Variants in HEG1 observed in about 807,000 individuals in gnomAD.
HEG1 encodes the protein protein HEG homolog 1.
A neutral mutation model predicts 125.6 loss-of-function variants in HEG1; 56 were observed. The observed-to-expected ratio is 0.45, with a 90% CI of 0.36 to 0.56. The LOEUF (loss-of-function observed/expected upper bound fraction) is 0.56, where lower values mean the gene tolerates loss of function less well. Among genes scored for constraint, HEG1 ranks in the 20% least tolerant of loss-of-function variants. The pLI, the probability that HEG1 is intolerant of heterozygous loss-of-function variation, is 0.00. For synonymous variants in HEG1, 644 were observed against 668.5 expected (o/e 0.96, Z 0.57); for missense variants, 1,523 against 1,670.0 (o/e 0.91, Z 1.53).
chr3:125,029,138 T>A (rs1191498048), intron 2 of HEG1, 57 bp downstream of exon 2: 1 of 1,540,788 alleles, frequency 6.5e-7, no homozygotes, highest in Non-Finnish European at 8.8e-7. Context: ...GGCAGAAACT[T>A]TGTTTTCCAG....
chr3:125,055,159 A>G (rs563721253), intron 1 of HEG1, among the ~76,000 whole-genome samples: 4 of 152,242 alleles, frequency 2.6e-5, no homozygotes, highest in African/African-American at 7.2e-5. Context: ...AAAATCAGTT[A>G]TTTAGATGAG....
chr3:125,013,663 G>C lies in HEG1; in HGVS notation c.1916C>G (p.Thr639Ser), dbSNP rs778962824. 1 of 1,613,840 alleles carries C rather than the reference G, an allele frequency of 6.2e-7. No individual in the cohort carries two copies. Among genetic ancestry groups the C allele is most frequent in the Non-Finnish European group, 8.5e-7 (1 of 1,179,838 alleles). ...HTSNLPSYTP[T>S]INMPNTSVVL... is the part of the protein sequence containing the mutation. ...AACCGAAGTGTTCGGCATATTAATG[G>C]TGGGTGTGTAGGACGGAAGGTTGGA... The change falls in exon 6 of 17, where the codon ACC (threonine) becomes AGC (serine). Residue 639 changes from threonine (T) to serine (S), a missense_variant. Coordinates refer to ENST00000311127, the MANE Select transcript of HEG1 (RefSeq NM_020733.2).
At chr3:124,999,435 C>T (rs1936969398) in intron 11 of HEG1, among the ~76,000 whole-genome samples, 1 of 152,230 alleles carries the variant, frequency 6.6e-6, no homozygotes, top group Admixed American at 6.5e-5. Context: ...AAAGAAATTC[C>T]TCCAGGGCAG....
chr3:125,029,222 C>A lies in HEG1; in HGVS notation c.583G>T (p.Ala195Ser), dbSNP rs777151125. 6.2e-7 allele frequency: 1 copy of A among 1,612,960 alleles called. No homozygotes were observed. The highest frequency in any genetic ancestry group is 1.7e-5 in the Admixed American group (1 of 59,900). ...PVGYSLEIATALTSQSGNLAS... is the reference protein window; with the variant it reads ...PVGYSLEIATSLTSQSGNLAS... ...AAGTTGCCACTCTGGGAAGTCAGAGCTGTTGCTATCTCCAGTGAGTACCCA... is the reference window on the plus strand; with the variant it reads ...AAGTTGCCACTCTGGGAAGTCAGAGATGTTGCTATCTCCAGTGAGTACCCA... The change falls in exon 2 of 17, where the codon GCT (alanine) becomes TCT (serine). Residue 195 changes from alanine (A) to serine (S), a missense_variant. Ala to Ser is a moderately conservative substitution (Grantham distance 99). Transcript: ENST00000311127.
At chr3:125,051,657 C>G (rs1004966934) in intron 1 of HEG1, among the ~76,000 whole-genome samples, 2 of 152,234 alleles carry the variant, frequency 1.3e-5, no homozygotes, top group African/African-American at 2.4e-5. Context: ...AACTAGTTTC[C>G]TTCCTTGTTG....
At position 124,990,954 on chromosome 3, in the gene HEG1, T is replaced by C. The variant is rs780209617; in HGVS notation, c.3685A>G (p.Thr1229Ala). Reference protein sequence around the residue: ...CEDGYRLENETCMSCPFGLGG... With the variant: ...CEDGYRLENEACMSCPFGLGG... Reference sequence around the variant, plus strand: ...CAACATGGAGCCTACCTCATGCAGGTTTCATTTTCAAGCCTATATCCATCT... The same window carrying C: ...CAACATGGAGCCTACCTCATGCAGGCTTCATTTTCAAGCCTATATCCATCT... Residue 1229 changes from threonine to alanine, a missense_variant, in exon 13 of 17, where the codon ACC (threonine) becomes GCC (alanine). By Grantham distance (58) the Thr-to-Ala change is moderately conservative. Transcript: ENST00000311127. The C allele has an allele frequency of 7.1e-6, 11 of 1,558,896 alleles. No individual in the cohort carries two copies. In the South Asian group the frequency reaches 1.3e-4, roughly 18 times the overall value.
intron 16 of HEG1, 28 bp downstream of exon 16, chr3:124,973,702 TG>T: frequency 6.3e-7 from 1 of 1,579,178 alleles, no homozygotes; most frequent in South Asian, 1.2e-5. Context: ...CCGGGGGCCC[TG>T]GGGTCATCCT....
rs368197960 is a variant in HEG1, at chr3:125,010,471, G to A, written c.3041C>T (p.Pro1014Leu). The A allele has an allele frequency of 2.8e-5, 43 of 1,557,638 alleles. No individual in the cohort carries two copies. The African/African-American group carries it at 3.3e-4, about 12-fold the overall frequency. The change falls in exon 7 of 17, where the codon CCG becomes CTG. Residue 1014 changes from proline (P) to leucine (L), a missense_variant. By Grantham distance (98) the Pro-to-Leu change is moderately conservative. Coordinates refer to ENST00000311127, the MANE Select transcript of HEG1 (RefSeq NM_020733.2). ...GCAATCATCCCCTTGCCAGGAAGGC[G>A]GGCACCTGCAGTGGTAGCCACGGCT... Reference protein sequence around the residue: ...NTSRGYHCRCPPSWQGDDCSV... With the variant: ...NTSRGYHCRCLPSWQGDDCSV...
Position 125,010,492 on chromosome 3 carries a change from C to T in HEG1, c.3020G>A (p.Arg1007His), listed in dbSNP as rs202104573. 522 of 1,560,516 alleles carry T rather than the reference C, an allele frequency of 3.3e-4. 2 individuals carry two copies. The African/African-American group carries it at 4.0e-3, about 12-fold the overall frequency. Reference protein sequence around the residue: ...NGECVADNTSRGYHCRCPPSW... With the variant: ...NGECVADNTSHGYHCRCPPSW... The stretch of plus-strand genomic sequence containing the variant: ...AGGCGGGCACCTGCAGTGGTAGCCA[C>T]GGCTGGTGTTGTCTGCGACGCATTC... The change falls in exon 7 of 17, where the codon CGT (arginine) becomes CAT (histidine). Residue 1007 changes from arginine (R) to histidine (H), a missense_variant. By Grantham distance (29) the Arg-to-His change is conservative (BLOSUM62 0). Coordinates refer to ENST00000311127, the MANE Select transcript of HEG1 (RefSeq NM_020733.2).
chr3:124,991,484 A>G (rs574375214), intron 12 of HEG1, among the ~76,000 whole-genome samples: 1 of 152,040 alleles, frequency 6.6e-6, no homozygotes, highest in East Asian at 1.9e-4. Flanking sequence ...ACTTTTCTTA[A>G]CCTCTTTGTG....
rs2107701031 is a variant in HEG1 at position 125,013,749 on chromosome 3, G to A, written c.1830C>T (p.Asn610=). 1.2e-6 allele frequency: 2 copies of A among 1,613,918 alleles called. No individual in the cohort carries two copies. Among genetic ancestry groups the A allele is most frequent in the South Asian group, 1.1e-5 (1 of 91,078 alleles). ...SFFHAQTERS[N]ISSYDGEYAQ... is the part of the protein sequence containing the mutation. Reference sequence around the variant, plus strand: ...CATATTCCCCGTCATAGGATGAGATGTTACTTCTCTCAGTCTGAGCATGAA... The same window carrying A: ...CATATTCCCCGTCATAGGATGAGATATTACTTCTCTCAGTCTGAGCATGAA... The change falls in exon 6 of 17, where the codon AAC becomes AAT. Residue 610 remains asparagine (N), a synonymous_variant. Transcript: ENST00000311127.
At chr3:125,020,714 G>C (rs1937322835) in intron 4 of HEG1, 78 bp downstream of exon 4, 1 of 1,149,968 alleles carries the variant, frequency 8.7e-7, no homozygotes, top group Middle Eastern at 2.1e-4. Context: ...GATTACAAAT[G>C]GTCTTGAAGA....
At chr3:124,983,501 A>AT (rs542232252) in intron 14 of HEG1, among the ~76,000 whole-genome samples, 50,103 of 138,376 alleles carry the variant, frequency 0.36, 9,077 homozygotes, top group East Asian at 0.49. Context: ...TGCCTGGCTG[A>AT]TTTTTTTTTT....
At chr3:124,974,091 T>C (rs1453310805) in intron 15 of HEG1, among the ~76,000 whole-genome samples, 186 bp from the exon 16 acceptor site, 1 of 152,026 alleles carries the variant, frequency 6.6e-6, no homozygotes, top group East Asian at 1.9e-4. Context: ...AATATGCAGT[T>C]AGGTGCAAAA....
chr3:124,985,698 C>G (rs559840392), intron 14 of HEG1, among the ~76,000 whole-genome samples: 2 of 152,178 alleles, frequency 1.3e-5, no homozygotes, highest in South Asian at 4.1e-4. Context: ...AAGGTGCAGG[C>G]CTGCGCTGCC....
rs1936306632 is a variant in HEG1 at position 124,966,215 on chromosome 3, T to G, written c.*4437A>C. 6.6e-6 allele frequency: 1 copy of G among 152,192 alleles called. No individual in the cohort carries two copies. Among genetic ancestry groups the G allele is most frequent in the Non-Finnish European group, 1.5e-5 (1 of 68,028 alleles). The allele number at this position is 152,192 out of a possible 1,614,324, so 9.4% of individuals were successfully genotyped here. A position where few individuals can be genotyped will look rare whatever the true frequency, so the allele number is the denominator to read the frequency against. On this transcript the variant is annotated 3_prime_UTR_variant, in exon 17 of 17. Transcript: ENST00000311127. ...ATTTTAAAAATCTGAATATGCAAATTCTTCAAAATGTCCTCTTTGAAAATG... is the reference window on the plus strand; with the variant it reads ...ATTTTAAAAATCTGAATATGCAAATGCTTCAAAATGTCCTCTTTGAAAATG...
intron 8 of HEG1, among the ~76,000 whole-genome samples, chr3:125,009,334 T>G (rs2107699138): frequency 6.6e-6 from 1 of 152,316 alleles, no homozygotes; most frequent in East Asian, 1.9e-4. Context: ...TTGACTTTTT[T>G]TTTCCTAGCT....
chr3:125,013,020 A>G lies in HEG1; in HGVS notation c.2559T>C (p.Leu853=). The part of the protein sequence containing the change: ...TTTILKTSQP[L]MTTPGTLSST... Reference sequence around the variant, plus strand: ...TTGACAGGGTGCCAGGAGTGGTCATAAGAGGCTGAGAGGTCTTCAGAATGG... The same window carrying G: ...TTGACAGGGTGCCAGGAGTGGTCATGAGAGGCTGAGAGGTCTTCAGAATGG... Residue 853 remains leucine (L), a synonymous_variant, in exon 6 of 17, where the codon CTT becomes CTC. Coordinates refer to ENST00000311127, the MANE Select transcript of HEG1 (RefSeq NM_020733.2). 2 of 1,614,050 alleles carry G rather than the reference A, an allele frequency of 1.2e-6. No individual in the cohort carries two copies. Among genetic ancestry groups the G allele is most frequent in the Non-Finnish European group, 1.7e-6 (2 of 1,179,910 alleles).
rs188666995 is a variant in HEG1, at chr3:124,992,580, A to G, written c.3653-1594T>C. On this transcript the variant is annotated intron_variant, in intron 12 of 16. Transcript: ENST00000311127. ...TGGGTTATGGGGGCCAGTAGCATGC[A>G]TGGCTGGGGGTGAGGAGGGGCAGGG... Among the ~76,000 whole-genome samples the G allele has an allele frequency of 3.8e-3, 579 of 151,562 alleles. 3 individuals are homozygous for G. The highest frequency in any genetic ancestry group is 4.4e-3 in the Non-Finnish European group (296 of 67,908).
Sources: gnomAD v4.1 joint callset for allele counts (sites outside exome capture counted in the v4.1 genomes callset) on GRCh38, gnomAD v4.1.1 for gene constraint, MANE v1.5 for transcripts, NCBI Gene and HGNC (gene_info 2026-07-23, HGNC 2026-07-21) for gene names.